The following KLHL29 variants were observed in gnomAD, a reference collection of about 807,000 sequenced individuals.
KLHL29 encodes kelch like family member 29.
Under a neutral mutation model 80.4 loss-of-function variants are expected in KLHL29, and 21 were observed. The ratio of observed to expected loss-of-function variants is 0.26; its 90% CI spans 0.19 to 0.38. The LOEUF (loss-of-function observed/expected upper bound fraction) is 0.38. KLHL29 is among the 10% of genes least tolerant of loss of function. The pLI is 1.00. For synonymous variants in KLHL29, 511 were observed against 526.8 expected (o/e 0.97, Z 0.41); for missense variants, 867 against 1,223.9 (o/e 0.71, Z 4.35).
At chr2:23,388,671 C>T (rs1019721802) in intron 1 of KLHL29, among the ~76,000 whole-genome samples, 1 of 152,106 alleles carries the variant, frequency 6.6e-6, no homozygotes, top group African/African-American at 2.4e-5. Flanking sequence ...GGCTACAAAC[C>T]ATTCCTAGTT....
chr2:23,597,407 A>ATATT (rs1668453822), intron 3 of KLHL29, among the ~76,000 whole-genome samples: 1 of 24,716 alleles, frequency 4.0e-5, no homozygotes, highest in Admixed American at 8.6e-4. Flanking sequence ...ATATATATAT[A>ATATT]TTTTTTTTTT....
intron 1 of KLHL29, among the ~76,000 whole-genome samples, chr2:23,403,761 G>GTA (rs1254547916): frequency 8.6e-5 from 13 of 151,410 alleles, no homozygotes; most frequent in African/African-American, 3.2e-4. Context: ...GTGTGTGTGT[G>GTA]TGTGCAGGCG....
chr2:23,417,824 T>C (rs188042630), intron 1 of KLHL29, among the ~76,000 whole-genome samples: 8 of 152,288 alleles, frequency 5.3e-5, no homozygotes, highest in Middle Eastern at 3.4e-3. Flanking sequence ...CTTGAGTTTC[T>C]TCTCCCTAGA....
At chr2:23,560,109 G>A (rs930359198) in intron 2 of KLHL29, among the ~76,000 whole-genome samples, 6 of 152,308 alleles carry the variant, frequency 3.9e-5, no homozygotes, top group Admixed American at 2.6e-4. Flanking sequence ...TGGCCAGGGC[G>A]AAGGCCACAG....
intron 3 of KLHL29, among the ~76,000 whole-genome samples, chr2:23,577,365 C>T (rs1246316513): frequency 2.0e-5 from 3 of 152,036 alleles, no homozygotes; most frequent in African/African-American, 4.8e-5. Context: ...GCAGGAGAAT[C>T]GCCTGAACCC....
At chr2:23,654,939 T>C (rs1371618402) in intron 5 of KLHL29, among the ~76,000 whole-genome samples, 1 of 152,186 alleles carries the variant, frequency 6.6e-6, no homozygotes, top group East Asian at 1.9e-4. Context: ...TTGTAGCCTG[T>C]GTGGTCACTA....
chr2:23,615,508 C>T (rs1056924371), intron 3 of KLHL29, among the ~76,000 whole-genome samples: 2 of 152,040 alleles, frequency 1.3e-5, no homozygotes, highest in Admixed American at 6.5e-5. Flanking sequence ...GAAAGGGGTG[C>T]GGTGGCCAGG....
intron 2 of KLHL29, among the ~76,000 whole-genome samples, chr2:23,536,571 C>T (rs1016522746): frequency 1.3e-5 from 2 of 152,184 alleles, no homozygotes; most frequent in African/African-American, 4.8e-5. Context: ...ACAGGCAACC[C>T]TTCCCATGCT....
chr2:23,642,258 C>T lies in KLHL29; in HGVS notation c.428-80C>T, dbSNP rs1420666610. ...TCGTTCCCCTCTGTGACCTAGCACC[C>T]AGTGCAGGGCCGGGGATGGTCAGTG... On this transcript the variant is annotated intron_variant, in intron 4 of 13. Coordinates refer to ENST00000486442, the MANE Select transcript of KLHL29 (RefSeq NM_052920.2). The T allele has an allele frequency of 3.9e-6, 5 of 1,288,132 alleles. No individual in the cohort carries two copies. The African/African-American group carries it at 7.5e-5, about 19-fold the overall frequency. 79.8% of individuals were successfully genotyped at this position (1,288,132 alleles called of 1,614,324 possible).
chr2:23,480,280 A>G (rs1161522459), intron 2 of KLHL29, among the ~76,000 whole-genome samples: 1 of 152,206 alleles, frequency 6.6e-6, no homozygotes, highest in Non-Finnish European at 1.5e-5. Context: ...TGAGGCCAGG[A>G]GTTCAGGACC....
chr2:23,542,863 C>T (rs1261617544), intron 2 of KLHL29, among the ~76,000 whole-genome samples: 1 of 152,250 alleles, frequency 6.6e-6, no homozygotes, highest in African/African-American at 2.4e-5. Flanking sequence ...CAGGCAGCTC[C>T]TGCTGCATTG....
intron 2 of KLHL29, among the ~76,000 whole-genome samples, chr2:23,536,178 C>G (rs747724939): frequency 6.6e-6 from 1 of 152,140 alleles, no homozygotes; most frequent in African/African-American, 2.4e-5. Flanking sequence ...CCACATATCG[C>G]GCCACTGGTT....
chr2:23,693,389 C>G lies in KLHL29; in HGVS notation c.1403C>G (p.Ala468Gly). The change falls in exon 8 of 14, where the codon GCC (alanine) becomes GGC (glycine). Residue 468 changes from alanine to glycine, a missense_variant. This residue lies in a region of KLHL29 where 443 missense variants were observed against 767.0 expected (regional missense o/e 0.58). Coordinates refer to ENST00000486442, the MANE Select transcript of KLHL29 (RefSeq NM_052920.2). ...FALQIFPEVAAQEEILSISKD... is the reference protein window; with the variant it reads ...FALQIFPEVAGQEEILSISKD... ...CTGCAGATCTTCCCCGAGGTGGCCG[C>G]CCAGGAGGAGATCCTCAGCATCTCC... 6.4e-7 allele frequency: 1 copy of G among 1,551,776 alleles called. No homozygotes were observed. Among genetic ancestry groups the G allele is most frequent in the Non-Finnish European group, 8.7e-7 (1 of 1,146,992 alleles).
At chr2:23,597,676 T>G (rs898732229) in intron 3 of KLHL29, among the ~76,000 whole-genome samples, 1 of 151,872 alleles carries the variant, frequency 6.6e-6, no homozygotes, top group Non-Finnish European at 1.5e-5. Flanking sequence ...CTGCCCGCCT[T>G]GGCCTCCCAA....
chr2:23,526,525 G>C (rs1374244384), intron 2 of KLHL29, among the ~76,000 whole-genome samples: 1 of 152,208 alleles, frequency 6.6e-6, no homozygotes, highest in East Asian at 1.9e-4. Flanking sequence ...TCCAGCAGAT[G>C]GTGGGAAAAA....
chr2:23,541,131 CT>C (rs1666820260), intron 2 of KLHL29, among the ~76,000 whole-genome samples: 1 of 152,244 alleles, frequency 6.6e-6, no homozygotes, highest in Admixed American at 6.5e-5. Context: ...CAACTGAATT[CT>C]GTTGGGAACC....
chr2:23,418,811 A>G (rs1372817707), intron 1 of KLHL29, among the ~76,000 whole-genome samples: 5 of 152,144 alleles, frequency 3.3e-5, no homozygotes, highest in Non-Finnish European at 7.3e-5. Flanking sequence ...GAGGATTAAA[A>G]AAGAAAGACT....
intron 2 of KLHL29, among the ~76,000 whole-genome samples, chr2:23,530,715 C>T (rs1666463922): frequency 6.6e-6 from 1 of 152,180 alleles, no homozygotes; most frequent in Non-Finnish European, 1.5e-5. Context: ...ATGCTCTTCC[C>T]TCCATCCCAG....
intron 3 of KLHL29, among the ~76,000 whole-genome samples, chr2:23,597,309 A>ATATGTGTG (rs1558402682): frequency 1.5e-4 from 15 of 100,518 alleles, no homozygotes; most frequent in South Asian, 7.6e-4. Context: ...ATATATATAT[A>ATATGTGTG]TGTGTGTGTG....
Sources: allele counts gnomAD v4.1 joint callset (sites outside exome capture counted in the v4.1 genomes callset), GRCh38; gene constraint gnomAD v4.1.1; regional missense constraint gnomAD v4.1.1; transcripts MANE v1.5; gene names NCBI Gene and HGNC (gene_info 2026-07-23, HGNC 2026-07-21).